The following NIN variants were observed in gnomAD, a reference collection of about 807,000 sequenced individuals.
NIN encodes the protein ninein, also known as glycogen synthase kinase 3 beta-interacting protein.
NIN carries 137 observed loss-of-function variants against 257.6 expected under a neutral mutation model. That is an observed-to-expected ratio of 0.53 (90% CI 0.46 to 0.61). The LOEUF is 0.61. Among genes scored for constraint, NIN ranks in the 20% least tolerant of loss-of-function variants. The pLI, the probability that NIN is intolerant of heterozygous loss-of-function variation, is 0.00. For synonymous variants in NIN, 918 were observed against 919.8 expected (o/e 1.00, Z 0.04); for missense variants, 2,439 against 2,501.2 (o/e 0.98, Z 0.53).
intron 5 of NIN, among the ~76,000 whole-genome samples, chr14:50,779,683 G>A (rs577332440): frequency 7.2e-5 from 11 of 152,080 alleles, no homozygotes; most frequent in African/African-American, 2.2e-4. Context: ...GCGTGAACCC[G>A]GGAGGCGGAG....
At chr14:50,780,947 G>GC (rs1353856886) in intron 5 of NIN, among the ~76,000 whole-genome samples, 3 of 152,112 alleles carry the variant, frequency 2.0e-5, no homozygotes, top group Admixed American at 2.0e-4. Context: ...GGGATGGGGA[G>GC]CAAGTGGTAA....
chr14:50,768,207 A>G (rs1264140515), intron 12 of NIN, among the ~76,000 whole-genome samples: 1 of 152,088 alleles, frequency 6.6e-6, no homozygotes, highest in African/African-American at 2.4e-5. Flanking sequence ...TATTTTTAGT[A>G]TATTCTAGTT....
intron 16 of NIN, among the ~76,000 whole-genome samples, chr14:50,760,639 C>T (rs1345996438): frequency 1.3e-5 from 2 of 152,020 alleles, no homozygotes; most frequent in Non-Finnish European, 2.9e-5. Context: ...CTCTGTCTTC[C>T]CATGCATCCT....
chr14:50,785,945 G>C (rs144207912), intron 5 of NIN, among the ~76,000 whole-genome samples: 1 of 152,202 alleles, frequency 6.6e-6, no homozygotes, highest in African/African-American at 2.4e-5. Context: ...GGGTTGTCAC[G>C]ACCAGAATGC....
At chr14:50,766,233 G>C in intron 14 of NIN, 74 bp downstream of exon 14, 2 of 1,114,734 alleles carry the variant, frequency 1.8e-6, no homozygotes, top group South Asian at 2.5e-5. Context: ...TAGGGTCACA[G>C]AGCTAGGGAA....
At chr14:50,808,627 C>T (rs1336499819) in intron 3 of NIN, among the ~76,000 whole-genome samples, 2 of 152,158 alleles carry the variant, frequency 1.3e-5, no homozygotes, top group African/African-American at 4.8e-5. Context: ...TGAGCAGCTG[C>T]TCTATGCCAG....
At chr14:50,778,728 T>G (rs2043013832) in intron 6 of NIN, 37 bp downstream of exon 6, 1 of 1,609,490 alleles carries the variant, frequency 6.2e-7, no homozygotes, top group Non-Finnish European at 8.5e-7. Flanking sequence ...CGGCGGCCCT[T>G]CCCTTCCAGG....
At chr14:50,751,279 G>A (rs977558312) in intron 21 of NIN, among the ~76,000 whole-genome samples, 8 of 152,074 alleles carry the variant, frequency 5.3e-5, no homozygotes, top group Non-Finnish European at 1.2e-4. Flanking sequence ...TATCTTTAGG[G>A]TAGATTCCTA....
At chr14:50,799,036 A>C (rs1029702749) in intron 4 of NIN, among the ~76,000 whole-genome samples, 1 of 152,198 alleles carries the variant, frequency 6.6e-6, no homozygotes, top group African/African-American at 2.4e-5. Context: ...TCGGCCTCCC[A>C]AAGTGCTGGG....
At chr14:50,749,954 A>C (rs1348562189) in intron 21 of NIN, among the ~76,000 whole-genome samples, 1 of 152,134 alleles carries the variant, frequency 6.6e-6, no homozygotes, top group East Asian at 1.9e-4. Context: ...TGACCTCACA[A>C]AGTGCTGGGA....
At chr14:50,826,138 AC>A (rs1490306859) in intron 2 of NIN, among the ~76,000 whole-genome samples, 4 of 152,232 alleles carry the variant, frequency 2.6e-5, no homozygotes. Flanking sequence ...CCTAACTGGT[AC>A]CCACCAGAGG....
At chr14:50,756,119 A>G (rs537846019) in intron 18 of NIN, among the ~76,000 whole-genome samples, 2 of 151,626 alleles carry the variant, frequency 1.3e-5, no homozygotes, top group African/African-American at 4.9e-5. Flanking sequence ...TGTATATAAC[A>G]TGTTTCCTCA....
intron 3 of NIN, among the ~76,000 whole-genome samples, chr14:50,817,236 T>C (rs1214497654): frequency 6.6e-6 from 1 of 152,224 alleles, no homozygotes; most frequent in African/African-American, 2.4e-5. Context: ...GCAGCACCAC[T>C]ATTACAAACC....
At chr14:50,772,018 AAAC>A (rs1289952269) in intron 9 of NIN, 1 of 288,976 alleles carries the variant, frequency 3.5e-6, no homozygotes, top group East Asian at 5.9e-5. Flanking sequence ...AACAAAAAAA[AAAC>A]ACAACAACAA....
chr14:50,729,427 A>G, intron 29 of NIN, 96 bp downstream of exon 29: 1 of 1,219,418 alleles, frequency 8.2e-7, no homozygotes, highest in South Asian at 1.5e-5. Flanking sequence ...GTGCCATTAG[A>G]TTTAGGTTCT....
At position 50,822,026 on chromosome 14, in the gene NIN, C is replaced by T. The variant is rs200165216; in HGVS notation, c.31G>A (p.Ala11Thr). The T allele has an allele frequency of 6.2e-7, 1 of 1,613,894 alleles. No individual in the cohort carries two copies. The highest frequency in any genetic ancestry group is 1.3e-5 in the African/African-American group (1 of 75,030). The change falls in exon 3 of 31, where the codon GCC becomes ACC. Residue 11 changes from alanine (A) to threonine (T), a missense_variant. Physicochemically the swap from Ala to Thr is moderately conservative, Grantham distance 58 (BLOSUM62 0). Around this residue, in one of 3 missense-constraint regions of NIN, gnomAD observed 387 missense variants for 427.3 expected, o/e 0.91. Coordinates refer to ENST00000530997, the MANE Select transcript of NIN (RefSeq NM_020921.4). Reference protein sequence around the residue: MDEVEQDQHEARLKELFDSFD... With the variant: MDEVEQDQHETRLKELFDSFD... Reference sequence around the variant, plus strand: ...CTGTCAAACAGCTCCTTGAGTCGGGCCTCATGCTGGTCCTGCTCCACCTCA... The same window carrying T: ...CTGTCAAACAGCTCCTTGAGTCGGGTCTCATGCTGGTCCTGCTCCACCTCA...
chr14:50,747,763 A>G (rs182920406), intron 22 of NIN, among the ~76,000 whole-genome samples: 137 of 151,334 alleles, frequency 9.1e-4, no homozygotes, highest in Admixed American at 8.9e-3. Flanking sequence ...GGGGGATTTT[A>G]GAGTGTACAA....
chr14:50,723,248 A>G lies in NIN; in HGVS notation c.*215T>C. On this transcript the variant is annotated 3_prime_UTR_variant, in exon 31 of 31. Coordinates refer to ENST00000530997, the MANE Select transcript of NIN (RefSeq NM_020921.4). ...GGTGGCTATTAAAATTTTAAAATAA[A>G]TTCAAATCTTGGGAATAATTTAAGT... 2.4e-6 allele frequency: 1 copy of G among 412,238 alleles called. No individual in the cohort carries two copies. Among genetic ancestry groups the G allele is most frequent in the Non-Finnish European group, 4.3e-6 (1 of 234,450 alleles). 25.5% of individuals were successfully genotyped at this position (412,238 alleles called of 1,614,324 possible). A position where few individuals can be genotyped will look rare whatever the true frequency, so the allele number is the denominator to read the frequency against.
chr14:50,756,467 G>A, intron 18 of NIN, 25 bp downstream of exon 18: 2 of 1,551,388 alleles, frequency 1.3e-6, no homozygotes, highest in African/African-American at 2.7e-5. Context: ...TGGGATTCGT[G>A]ACGTCTAGAA....
Sources: allele counts gnomAD v4.1 joint callset (sites outside exome capture counted in the v4.1 genomes callset), GRCh38; gene constraint gnomAD v4.1.1; regional missense constraint gnomAD v4.1.1; transcripts MANE v1.5; gene names NCBI Gene and HGNC (gene_info 2026-07-23, HGNC 2026-07-21).